NLGN4X: variants seen among roughly 807,000 people sequenced by gnomAD.
NLGN4X encodes neuroligin 4 X-linked.
In NLGN4X, 3 loss-of-function variants were observed where a neutral mutation model predicts 40.3. The observed-to-expected ratio is 0.07, with a 90% CI of 0.03 to 0.19. The LOEUF (loss-of-function observed/expected upper bound fraction) is 0.19, where lower values mean the gene tolerates loss of function less well. NLGN4X is among the 10% of genes least tolerant of loss of function. NLGN4X has a pLI of 1.00. For synonymous variants in NLGN4X, 270 were observed against 306.8 expected (o/e 0.88, Z 1.25); for missense variants, 382 against 708.3 (o/e 0.54, Z 5.23).
chrX:5,932,481 T>TA (rs1207093401), intron 3 of NLGN4X, among the ~76,000 whole-genome samples: 1 of 111,845 alleles, frequency 8.9e-6, no homozygotes, highest in East Asian at 2.8e-4. Flanking sequence ...ACGTTAAATA[T>TA]AATGATTGGA....
intron 3 of NLGN4X, among the ~76,000 whole-genome samples, chrX:6,014,673 T>C (rs1257643762): frequency 8.9e-6 from 1 of 111,846 alleles, no homozygotes; most frequent in Non-Finnish European, 1.9e-5. Context: ...TGATAAGTAG[T>C]TTCATGGAGT....
At chrX:5,958,285 T>C (rs750996080) in intron 3 of NLGN4X, among the ~76,000 whole-genome samples, 1 of 111,881 alleles carries the variant, frequency 8.9e-6, no homozygotes, top group African/African-American at 3.2e-5. Flanking sequence ...AAAAGAATAT[T>C]TCATCAAATT....
rs150722863 is a variant in NLGN4X, at chrX:6,200,634, T to C, written c.-306+27907A>G. 6.1e-3 allele frequency among the ~76,000 whole-genome samples: 671 copies of C among 110,611 alleles called. 8 individuals are homozygous for C. Among genetic ancestry groups the C allele is most frequent in the African/African-American group, 0.021 (635 of 30,444 alleles). On this transcript the variant is annotated intron_variant, in intron 1 of 5. Transcript: ENST00000381095. The stretch of plus-strand genomic sequence containing the variant: ...AATGTCAAGGCCGCCTTCAACACTT[T>C]CTAAATACCTGTTTTAAAGTGCTTT...
intron 1 of NLGN4X, among the ~76,000 whole-genome samples, chrX:6,158,572 T>C (rs1323188905): frequency 1.8e-5 from 2 of 112,212 alleles, no homozygotes; most frequent in Non-Finnish European, 3.8e-5. Flanking sequence ...TGAGCAACGA[T>C]GTGGAGCAAC....
At chrX:6,191,376 G>A (rs1045864482) in intron 1 of NLGN4X, among the ~76,000 whole-genome samples, 7 of 111,642 alleles carry the variant, frequency 6.3e-5, no homozygotes, top group African/African-American at 2.0e-4. Context: ...GGTGGAACAA[G>A]GGACTGGAAA....
intron 2 of NLGN4X, among the ~76,000 whole-genome samples, chrX:6,088,559 C>T (rs1037257060): frequency 8.9e-6 from 1 of 111,879 alleles, no homozygotes; most frequent in Admixed American, 9.5e-5. Context: ...AAATCTCTAT[C>T]ACCATTTTAA....
chrX:6,223,058 CTA>C (rs1448939824), intron 1 of NLGN4X, among the ~76,000 whole-genome samples: 1 of 110,514 alleles, frequency 9.0e-6, no homozygotes, highest in African/African-American at 3.3e-5. Context: ...CCTCATCTCA[CTA>C]TATATATAAT....
chrX:6,055,487 T>C (rs2037600745), intron 2 of NLGN4X, among the ~76,000 whole-genome samples: 2 of 111,414 alleles, frequency 1.8e-5, no homozygotes, highest in Admixed American at 9.6e-5. Flanking sequence ...AGAACTACTA[T>C]AGGGTGCTGG....
intron 1 of NLGN4X, among the ~76,000 whole-genome samples, chrX:6,156,601 T>C (rs976684752): frequency 6.2e-5 from 7 of 112,225 alleles, no homozygotes; most frequent in Non-Finnish European, 1.3e-4. Flanking sequence ...TTTAAGTTAA[T>C]TAATGCAGAA....
At chrX:5,939,872 A>T (rs2033865255) in intron 3 of NLGN4X, among the ~76,000 whole-genome samples, 1 of 111,901 alleles carries the variant, frequency 8.9e-6, no homozygotes, top group East Asian at 2.8e-4. Context: ...ATTTTTAACT[A>T]CCTGGAGGTT....
At chrX:6,051,222 T>C (rs765186696) in intron 2 of NLGN4X, among the ~76,000 whole-genome samples, 18 of 112,004 alleles carry the variant, frequency 1.6e-4, no homozygotes, top group African/African-American at 5.2e-4. Flanking sequence ...TTAATGTCTA[T>C]GATAAAGTTT....
At chrX:6,181,195 A>C (rs1230654260) in intron 1 of NLGN4X, among the ~76,000 whole-genome samples, 1 of 111,489 alleles carries the variant, frequency 9.0e-6, no homozygotes, top group Non-Finnish European at 1.9e-5. Flanking sequence ...GTATGGATGT[A>C]AATAAATTTG....
intron 2 of NLGN4X, among the ~76,000 whole-genome samples, chrX:6,139,151 T>C (rs2039887263): frequency 8.9e-6 from 1 of 111,983 alleles, no homozygotes; most frequent in South Asian, 3.7e-4. Context: ...TATAAAATTA[T>C]GAAAGTACTT....
chrX:6,139,200 T>C (rs1010630608), intron 2 of NLGN4X, among the ~76,000 whole-genome samples: 3 of 112,056 alleles, frequency 2.7e-5, no homozygotes, highest in African/African-American at 9.7e-5. Flanking sequence ...AAAGCTTTTG[T>C]ATTAATGATT....
chrX:6,132,921 T>C (rs1250202387), intron 2 of NLGN4X, among the ~76,000 whole-genome samples: 2 of 111,330 alleles, frequency 1.8e-5, no homozygotes, highest in Non-Finnish European at 3.8e-5. Context: ...AGGGCATTCA[T>C]TGTGTCAAAA....
chrX:6,143,446 A>AT (rs1193602527), intron 2 of NLGN4X, among the ~76,000 whole-genome samples: 1 of 112,357 alleles, frequency 8.9e-6, no homozygotes, highest in Non-Finnish European at 1.9e-5. Context: ...AAGTAGGAAA[A>AT]TAAGACATGT....
At chrX:6,212,368 C>T (rs745922621) in intron 1 of NLGN4X, among the ~76,000 whole-genome samples, 3 of 110,187 alleles carry the variant, frequency 2.7e-5, no homozygotes, top group Middle Eastern at 4.8e-3. Context: ...AAGTAATAAC[C>T]GCCTGTATGC....
At chrX:5,998,075 C>G (rs1420686889) in intron 3 of NLGN4X, among the ~76,000 whole-genome samples, 1 of 111,435 alleles carries the variant, frequency 9.0e-6, no homozygotes, top group South Asian at 3.7e-4. Context: ...CAGGTATGCT[C>G]TCTCTTGTTT....
intron 1 of NLGN4X, among the ~76,000 whole-genome samples, chrX:6,210,424 T>C (rs1362697020): frequency 9.0e-6 from 1 of 111,214 alleles, no homozygotes; most frequent in East Asian, 2.8e-4. Flanking sequence ...CATCGAGCTA[T>C]GATTGCATCA....
Sources: gnomAD v4.1 joint callset for allele counts (sites outside exome capture counted in the v4.1 genomes callset) on GRCh38, gnomAD v4.1.1 for gene constraint, MANE v1.5 for transcripts, NCBI Gene and HGNC (gene_info 2026-07-23, HGNC 2026-07-21) for gene names.